The following ZSCAN20 variants were observed in gnomAD, a reference collection of about 807,000 sequenced individuals.
ZSCAN20 encodes the protein zinc finger and SCAN domain-containing protein 20.
ZSCAN20 carries 39 observed loss-of-function variants against 97.1 expected under a neutral mutation model. That is an observed-to-expected ratio of 0.40 (90% CI 0.31 to 0.52). ZSCAN20 has a LOEUF of 0.52. Among genes scored for constraint, ZSCAN20 ranks in the 20% least tolerant of loss-of-function variants. The pLI is 0.49. For synonymous variants in ZSCAN20, 456 were observed against 467.3 expected (o/e 0.98, Z 0.31); for missense variants, 1,115 against 1,290.4 (o/e 0.86, Z 2.08).
At chr1:33,485,975 G>A (rs1652349415) in intron 2 of ZSCAN20, among the ~76,000 whole-genome samples, 1 of 152,166 alleles carries the variant, frequency 6.6e-6, no homozygotes, top group African/African-American at 2.4e-5. Context: ...GGTGGGACAG[G>A]ATGCCTAAAG....
At chr1:33,489,742 G>A in intron 5 of ZSCAN20, 140 bp downstream of exon 5, 2 of 782,322 alleles carry the variant, frequency 2.6e-6, no homozygotes, top group Non-Finnish European at 4.1e-6. Flanking sequence ...CTTGCCCTTT[G>A]TAGCCAGCAC....
At position 33,498,954 on chromosome 1, in the gene ZSCAN20, A is replaced by G. The variant is rs1652967191; in HGVS notation, c.*3478A>G. Among the ~76,000 whole-genome samples the G allele has an allele frequency of 6.6e-6, 1 of 152,102 alleles. No individual in the cohort carries two copies. Among genetic ancestry groups the G allele is most frequent in the Non-Finnish European group, 1.5e-5 (1 of 68,028 alleles). On this transcript the variant is annotated 3_prime_UTR_variant, in exon 8 of 8. Coordinates refer to ENST00000684572, the MANE Select transcript of ZSCAN20 (RefSeq NM_001377376.1). ...ATACTCGGTTTTTTCTAAGGCCTTGACCTCAGCAGCTGAACTCATGGTCAT... is the reference window on the plus strand; with the variant it reads ...ATACTCGGTTTTTTCTAAGGCCTTGGCCTCAGCAGCTGAACTCATGGTCAT...
chr1:33,490,690 A>C (rs1034570700), intron 5 of ZSCAN20, among the ~76,000 whole-genome samples: 7 of 129,756 alleles, frequency 5.4e-5, no homozygotes, highest in African/African-American at 1.2e-4. Context: ...CACACCACAC[A>C]CCCTTTTCCT....
rs756742660 is a variant in ZSCAN20 at position 33,494,885 on chromosome 1, G to A, written c.2541G>A (p.Glu847=). The A allele has an allele frequency of 8.1e-6, 13 of 1,614,086 alleles. No individual in the cohort carries two copies. Among genetic ancestry groups the A allele is most frequent in the African/African-American group, 1.3e-5 (1 of 74,928 alleles). Residue 847 remains glutamate, a synonymous_variant, in exon 8 of 8, where the codon GAG becomes GAA. Transcript: ENST00000684572. ...FSAHWRNSTE[E]TAPEQPQSIS... Reference sequence around the variant, plus strand: ...CTCACTGGAGGAATTCTACAGAAGAGACAGCTCCTGAACAACCTCAAAGTA... The same window carrying A: ...CTCACTGGAGGAATTCTACAGAAGAAACAGCTCCTGAACAACCTCAAAGTA...
chr1:33,488,774 G>GCCCACCACACT, intron 3 of ZSCAN20, 123 bp downstream of exon 3: 1 of 1,078,002 alleles, frequency 9.3e-7, no homozygotes, highest in Non-Finnish European at 1.3e-6. Flanking sequence ...GCTGCAGTGT[G>GCCCACCACACT]GTGGGCACAC....
At chr1:33,490,536 G>A (rs897222096) in intron 5 of ZSCAN20, among the ~76,000 whole-genome samples, 1 of 152,052 alleles carries the variant, frequency 6.6e-6, no homozygotes, top group Non-Finnish European at 1.5e-5. Context: ...CTTTATTTCT[G>A]TCTGCCATCC....
Position 33,497,958 on chromosome 1 carries a change from G to T in ZSCAN20, c.*2482G>T, listed in dbSNP as rs1408310468. ...TGGATGTCGGCTAGCAGCTAGGGGA[G>T]AGGCTAGGACTAGAGATCTGTGTAT... On this transcript the variant is annotated 3_prime_UTR_variant, in exon 8 of 8. Transcript: ENST00000684572. Among the ~76,000 whole-genome samples the T allele has an allele frequency of 6.6e-6, 1 of 152,182 alleles. No individual in the cohort carries two copies. The highest frequency in any genetic ancestry group is 2.4e-5 in the African/African-American group (1 of 41,436).
rs144174613 is a variant in ZSCAN20 at position 33,486,691 on chromosome 1, G to T, written c.418-1774G>T. ...GATGGTAATAGTTGGAGGCACTGGGGTTGAGAGTAAAGATTGTTGTTGAAT... is the reference window on the plus strand; with the variant it reads ...GATGGTAATAGTTGGAGGCACTGGGTTTGAGAGTAAAGATTGTTGTTGAAT... On this transcript the variant is annotated intron_variant, in intron 2 of 7. Transcript: ENST00000684572. Among the ~76,000 whole-genome samples, 329 of 152,324 alleles carry T rather than the reference G, an allele frequency of 2.2e-3. 3 individuals carry two copies. Among genetic ancestry groups the T allele is most frequent in the African/African-American group, 7.6e-3 (317 of 41,566 alleles).
intron 2 of ZSCAN20, among the ~76,000 whole-genome samples, chr1:33,483,586 G>A (rs1570551482): frequency 6.7e-6 from 1 of 150,354 alleles, no homozygotes. Flanking sequence ...ACCTGTAATC[G>A]CAGCACTTTG....
Position 33,495,173 on chromosome 1 carries a change from C to T in ZSCAN20, c.2829C>T (p.Arg943=). The part of the protein sequence containing the change: ...CVDCGKCFSE[R]SKLITHQRVH... ...ACTGTGGGAAGTGCTTCAGTGAGCG[C>T]TCCAAGCTCATCACACACCAGAGAG... Residue 943 remains arginine (R), a synonymous_variant, in exon 8 of 8, where the codon CGC becomes CGT. Coordinates refer to ENST00000684572, the MANE Select transcript of ZSCAN20 (RefSeq NM_001377376.1). The T allele has an allele frequency of 6.2e-7, 1 of 1,613,886 alleles. No individual in the cohort carries two copies. Among genetic ancestry groups the T allele is most frequent in the Non-Finnish European group, 8.5e-7 (1 of 1,179,902 alleles).
rs759722484 is a variant in ZSCAN20, at chr1:33,500,870, G to A, written c.*5394G>A. 3.3e-5 allele frequency among the ~76,000 whole-genome samples: 5 copies of A among 151,884 alleles called. No individual in the cohort carries two copies. Among genetic ancestry groups the A allele is most frequent in the Non-Finnish European group, 5.9e-5 (4 of 68,004 alleles). ...GCAGAGTTGTGACTACTAGAATCTC[G>A]AGTCACTGGGGCTCAGGGAGCCCTA... On this transcript the variant is annotated 3_prime_UTR_variant, in exon 8 of 8. Transcript: ENST00000684572.
Position 33,495,427 on chromosome 1 carries a change from C to T in ZSCAN20, c.3083C>T (p.Ser1028Phe). The T allele has an allele frequency of 6.3e-7, 1 of 1,582,258 alleles. No individual in the cohort carries two copies. The highest frequency in any genetic ancestry group is 8.6e-7 in the Non-Finnish European group (1 of 1,163,712). Residue 1028 changes from serine (S) to phenylalanine (F), a missense_variant, in exon 8 of 8, where the codon TCC becomes TTC. Transcript: ENST00000684572. ...TECGKDFNNS[S>F]HFSAHRRTHA... Reference sequence around the variant, plus strand: ...TGTGGCAAAGACTTCAACAACAGTTCCCACTTCAGTGCTCACCGGAGAACC... The same window carrying T: ...TGTGGCAAAGACTTCAACAACAGTTTCCACTTCAGTGCTCACCGGAGAACC...
At chr1:33,485,793 T>C (rs1652342638) in intron 2 of ZSCAN20, among the ~76,000 whole-genome samples, 1 of 152,216 alleles carries the variant, frequency 6.6e-6, no homozygotes, top group African/African-American at 2.4e-5. Flanking sequence ...TTGTTGATTT[T>C]CTCTATTGAT....
chr1:33,479,019 C>T (rs190066206), intron 1 of ZSCAN20, among the ~76,000 whole-genome samples, 160 bp from the exon 2 acceptor site: 3 of 152,290 alleles, frequency 2.0e-5, no homozygotes, highest in African/African-American at 7.2e-5. Context: ...GTGCTACTGG[C>T]TTTGGTGCCA....
Position 33,491,004 on chromosome 1 carries a change from T to C in ZSCAN20, c.767-21T>C, listed in dbSNP as rs1652580375. The stretch of plus-strand genomic sequence containing the variant: ...CGCTCAACAGACCATTTCTACTCTG[T>C]CATTTCTCTTCCTTTTGTAGGAGTT... On this transcript the variant is annotated intron_variant, in intron 5 of 7. Transcript: ENST00000684572. The surrounding 1 kb of genome is among the most constrained non-coding windows in gnomAD (Gnocchi z 4.3). 1.3e-6 allele frequency: 2 copies of C among 1,575,806 alleles called. No homozygotes were observed. The highest frequency in any genetic ancestry group is 1.2e-5 in the South Asian group (1 of 84,972).
At chr1:33,487,567 G>A (rs116482764) in intron 2 of ZSCAN20, among the ~76,000 whole-genome samples, 4,854 of 151,172 alleles carry the variant, frequency 0.032, 123 homozygotes, top group Non-Finnish European at 0.051. Flanking sequence ...TTCCTTTTGA[G>A]TTAGAGTGCC....
chr1:33,494,761 G>A lies in ZSCAN20; in HGVS notation c.2417G>A (p.Ser806Asn). The change falls in exon 8 of 8, where the codon AGC becomes AAC. Residue 806 changes from serine to asparagine, a missense_variant. Ser to Asn is a conservative substitution (Grantham distance 46, BLOSUM62 1). This residue lies in a region of ZSCAN20 where 554 missense variants were observed against 584.9 expected (regional missense o/e 0.95). Transcript: ENST00000684572. Reference sequence around the variant, plus strand: ...GAATGTTGGAAAAGCTTCAACCAGAGCTCAAACCTTCTGAAACATCAGAGA... The same window carrying A: ...GAATGTTGGAAAAGCTTCAACCAGAACTCAAACCTTCTGAAACATCAGAGA... Reference protein sequence around the residue: ...CGECWKSFNQSSNLLKHQRIH... With the variant: ...CGECWKSFNQNSNLLKHQRIH... 6.2e-7 allele frequency: 1 copy of A among 1,614,142 alleles called. No homozygotes were observed. Among genetic ancestry groups the A allele is most frequent in the Non-Finnish European group, 8.5e-7 (1 of 1,180,022 alleles).
rs1652837832 is a variant in ZSCAN20, at chr1:33,495,687, G to C, written c.*211G>C. On this transcript the variant is annotated 3_prime_UTR_variant, in exon 8 of 8. Coordinates refer to ENST00000684572, the MANE Select transcript of ZSCAN20 (RefSeq NM_001377376.1). ...GTGTAATTTGTTTTTCTTCTGTAAA[G>C]ACCCACACAGAATCCTGACTGTCCT... is the stretch of plus-strand genomic sequence containing the variant. 2.4e-6 allele frequency: 1 copy of C among 408,304 alleles called. No individual in the cohort carries two copies. The highest frequency in any genetic ancestry group is 2.0e-5 in the African/African-American group (1 of 49,896). 25.3% of individuals were successfully genotyped at this position (408,304 alleles called of 1,614,324 possible).
chr1:33,494,212 T>G lies in ZSCAN20; in HGVS notation c.1874-6T>G. 2 of 1,547,710 alleles carry G rather than the reference T, an allele frequency of 1.3e-6. No homozygotes were observed. The highest frequency in any genetic ancestry group is 1.7e-6 in the Non-Finnish European group (2 of 1,149,054). On this transcript the variant is annotated splice_region_variant and splice_polypyrimidine_tract_variant and intron_variant, in intron 7 of 7. Coordinates refer to ENST00000684572, the MANE Select transcript of ZSCAN20 (RefSeq NM_001377376.1). Reference sequence around the variant, plus strand: ...AGAAAAACTGCATTTCTGTCCATTTTTTCAGGTTTTGAAATGAGGCATGAG... The same window carrying G: ...AGAAAAACTGCATTTCTGTCCATTTGTTCAGGTTTTGAAATGAGGCATGAG...
Sources: allele counts gnomAD v4.1 joint callset (sites outside exome capture counted in the v4.1 genomes callset), GRCh38; gene constraint gnomAD v4.1.1; regional missense constraint gnomAD v4.1.1; non-coding constraint Gnocchi (gnomAD v3.1); transcripts MANE v1.5; gene names NCBI Gene and HGNC (gene_info 2026-07-23, HGNC 2026-07-21).